SORCS1: variants seen among roughly 807,000 people sequenced by gnomAD.
The protein encoded by SORCS1 is VPS10 domain-containing receptor SorCS1.
SORCS1 carries 60 observed loss-of-function variants against 146.1 expected under a neutral mutation model. The ratio of observed to expected loss-of-function variants is 0.41; its 90% CI spans 0.33 to 0.51. SORCS1 has a LOEUF of 0.51. Among genes scored for constraint, SORCS1 ranks in the 20% least tolerant of loss-of-function variants. The probability of loss-of-function intolerance (pLI) is 0.21; values close to 1 mark genes in which losing one functional copy is unlikely to be tolerated. For synonymous variants in SORCS1, 637 were observed against 584.0 expected (o/e 1.09, Z -1.31); for missense variants, 1,352 against 1,487.6 (o/e 0.91, Z 1.50).
chr10:106,791,461 G>A (rs1313271963), intron 3 of SORCS1, among the ~76,000 whole-genome samples: 1 of 152,198 alleles, frequency 6.6e-6, no homozygotes, highest in Admixed American at 6.5e-5. Context: ...ACTTTGGGAG[G>A]CCGAGGCGGG....
At chr10:107,002,996 C>T (rs565587123) in intron 1 of SORCS1, among the ~76,000 whole-genome samples, 12 of 152,264 alleles carry the variant, frequency 7.9e-5, no homozygotes, top group African/African-American at 2.6e-4. Flanking sequence ...TGGCTCACAC[C>T]TGTAATCCTA....
intron 9 of SORCS1, among the ~76,000 whole-genome samples, chr10:106,695,853 A>G (rs983954781): frequency 3.9e-5 from 6 of 152,164 alleles, no homozygotes; most frequent in African/African-American, 1.4e-4. Context: ...TACAAGCTGT[A>G]CCCTCAACAC....
At chr10:106,967,209 C>A (rs1955536336) in intron 1 of SORCS1, among the ~76,000 whole-genome samples, 1 of 152,064 alleles carries the variant, frequency 6.6e-6, no homozygotes, top group Admixed American at 6.5e-5. Context: ...TCCCCTGCCA[C>A]CTCCTTCTCC....
At chr10:107,163,099 T>C (rs1969829015) in intron 1 of SORCS1, among the ~76,000 whole-genome samples, 2 of 152,238 alleles carry the variant, frequency 1.3e-5, no homozygotes, top group South Asian at 2.1e-4. Context: ...AAACCTTTCC[T>C]GATAGGACCA....
chr10:106,656,118 G>C (rs1187963419), intron 17 of SORCS1, among the ~76,000 whole-genome samples: 2 of 152,178 alleles, frequency 1.3e-5, no homozygotes, highest in Non-Finnish European at 2.9e-5. Context: ...CTCACCAGTA[G>C]ATAGGATCTT....
At chr10:106,908,202 T>C (rs74152276) in intron 2 of SORCS1, among the ~76,000 whole-genome samples, 3,578 of 152,046 alleles carry the variant, frequency 0.024, 131 homozygotes, top group African/African-American at 0.081. Context: ...AGTATTTTCA[T>C]TTTTTTTCCC....
intron 14 of SORCS1, among the ~76,000 whole-genome samples, chr10:106,673,738 T>C (rs1741052253): frequency 6.6e-6 from 1 of 152,176 alleles, no homozygotes; most frequent in African/African-American, 2.4e-5. Flanking sequence ...GTGAAAGTGA[T>C]CAGCAGAACC....
Position 106,634,860 on chromosome 10 carries a change from A to T in SORCS1, c.2476-5472T>A, listed in dbSNP as rs142042659. 2.3e-3 allele frequency among the ~76,000 whole-genome samples: 349 copies of T among 152,332 alleles called. 3 individuals are homozygous for T. The highest frequency in any genetic ancestry group is 8.1e-3 in the African/African-American group (335 of 41,572). On this transcript the variant is annotated intron_variant, in intron 18 of 25. Coordinates refer to ENST00000263054, the MANE Select transcript of SORCS1 (RefSeq NM_052918.5). ...AAAAATACTTCAATCTAATAACTCAAAAGAAATCATTTCTGAAACTAAATC... is the reference window on the plus strand; with the variant it reads ...AAAAATACTTCAATCTAATAACTCATAAGAAATCATTTCTGAAACTAAATC...
chr10:106,923,303 T>A (rs1952814103), intron 2 of SORCS1, among the ~76,000 whole-genome samples: 1 of 152,224 alleles, frequency 6.6e-6, no homozygotes, highest in South Asian at 2.1e-4. Context: ...TAATAAGCAT[T>A]TAATTTTCCT....
intron 9 of SORCS1, among the ~76,000 whole-genome samples, chr10:106,694,543 G>A (rs1853550662): frequency 6.6e-6 from 1 of 152,112 alleles, no homozygotes; most frequent in African/African-American, 2.4e-5. Flanking sequence ...CACTGCACCT[G>A]GCCAATAGTA....
intron 25 of SORCS1, 71 bp from the exon 26 acceptor site, chr10:106,577,626 T>C: frequency 6.3e-7 from 1 of 1,591,544 alleles, no homozygotes; most frequent in South Asian, 1.1e-5. Flanking sequence ...GACTTTGCAA[T>C]GTGCTGCGAT....
intron 2 of SORCS1, among the ~76,000 whole-genome samples, chr10:106,855,203 C>G (rs1949737603): frequency 6.6e-6 from 1 of 152,154 alleles, no homozygotes; most frequent in South Asian, 2.1e-4. Context: ...ATCCCACTCT[C>G]TTCTTGCCTG....
At chr10:106,609,493 A>G (rs1428020543) in intron 22 of SORCS1, among the ~76,000 whole-genome samples, 3 of 152,216 alleles carry the variant, frequency 2.0e-5, no homozygotes, top group Non-Finnish European at 2.9e-5. Flanking sequence ...ACACTTGCCA[A>G]TGTGGTCCCT....
chr10:107,104,936 C>T (rs1413497456), intron 1 of SORCS1, among the ~76,000 whole-genome samples: 1 of 152,104 alleles, frequency 6.6e-6, no homozygotes, highest in African/African-American at 2.4e-5. Flanking sequence ...CTAGAGGAGC[C>T]AAGAATGACC....
chr10:106,919,373 A>G (rs79859551), intron 2 of SORCS1, among the ~76,000 whole-genome samples: 1,915 of 152,082 alleles, frequency 0.013, 43 homozygotes, highest in African/African-American at 0.044. Context: ...AATACTACTG[A>G]TTTCCCATTT....
At chr10:106,943,156 T>C (rs1057081788) in intron 2 of SORCS1, among the ~76,000 whole-genome samples, 1 of 152,226 alleles carries the variant, frequency 6.6e-6, no homozygotes, top group Non-Finnish European at 1.5e-5. Flanking sequence ...TCTGCATTGA[T>C]AAATTTGGTG....
chr10:107,096,354 A>G (rs1200106628), intron 1 of SORCS1, among the ~76,000 whole-genome samples: 1 of 152,190 alleles, frequency 6.6e-6, no homozygotes, highest in African/African-American at 2.4e-5. Context: ...TTTACCACAT[A>G]CTATTGATAT....
chr10:106,886,729 T>A (rs915789177), intron 2 of SORCS1, among the ~76,000 whole-genome samples: 4 of 152,108 alleles, frequency 2.6e-5, no homozygotes, highest in African/African-American at 9.6e-5. Context: ...AGATCCATTC[T>A]CTTTCTAGAA....
intron 6 of SORCS1, among the ~76,000 whole-genome samples, chr10:106,719,341 C>T (rs1855616046): frequency 6.6e-6 from 1 of 151,620 alleles, no homozygotes; most frequent in Admixed American, 6.6e-5. Context: ...TGTCTACACG[C>T]TATAAGATTA....
Sources: allele counts gnomAD v4.1 joint callset (sites outside exome capture counted in the v4.1 genomes callset), GRCh38; gene constraint gnomAD v4.1.1; transcripts MANE v1.5; gene names NCBI Gene and HGNC (gene_info 2026-07-23, HGNC 2026-07-21).